The following DGKB variants were observed in gnomAD, a reference collection of about 807,000 sequenced individuals.
DGKB encodes diacylglycerol kinase beta, also known as 90 kDa diacylglycerol kinase.
DGKB carries 67 observed loss-of-function variants against 114.3 expected under a neutral mutation model. That is an observed-to-expected ratio of 0.59 (90% CI 0.48 to 0.72). The LOEUF (loss-of-function observed/expected upper bound fraction) is 0.72, where lower values mean the gene tolerates loss of function less well. Ranked by LOEUF, DGKB falls within the 30% of genes least tolerant of loss-of-function variation. The pLI, the probability that DGKB is intolerant of heterozygous loss-of-function variation, is 0.00. For missense variants in DGKB, 907 were observed against 975.2 expected (o/e 0.93, Z 0.93); for synonymous variants, 398 against 323.1 (o/e 1.23, Z -2.49).
intron 23 of DGKB, among the ~76,000 whole-genome samples, chr7:14,206,346 A>T (rs1256037147): frequency 6.6e-6 from 1 of 152,074 alleles, no homozygotes; most frequent in African/African-American, 2.4e-5. Flanking sequence ...GAAGCATGTG[A>T]GACTCATATC....
intron 23 of DGKB, among the ~76,000 whole-genome samples, chr7:14,284,306 A>G (rs1329904571): frequency 2.1e-4 from 29 of 138,912 alleles, no homozygotes; most frequent in Admixed American, 4.2e-4. Context: ...CAAAACCACA[A>G]TGAGATACCA....
chr7:14,852,487 C>CAAAAAACAAAAAACAAACAA (rs1554304212), intron 1 of DGKB, among the ~76,000 whole-genome samples: 1 of 63,636 alleles, frequency 1.6e-5, no homozygotes, highest in Non-Finnish European at 3.0e-5. Flanking sequence ...TAGTGAAAGT[C>CAAAAAACAAAAAACAAACAA]AAAAAAAAAA....
intron 23 of DGKB, among the ~76,000 whole-genome samples, chr7:14,323,119 A>G (rs924340857): frequency 3.9e-5 from 6 of 152,166 alleles, no homozygotes; most frequent in Middle Eastern, 3.2e-3. Context: ...ATAGCTTCCC[A>G]CTGGAAAAAG....
chr7:14,716,205 C>CA (rs1258399078), intron 6 of DGKB, among the ~76,000 whole-genome samples: 14 of 152,268 alleles, frequency 9.2e-5, no homozygotes, highest in South Asian at 2.1e-4. Context: ...TTGCATAAGC[C>CA]AGTGCTTCTC....
chr7:14,834,877 G>T (rs945669773), intron 2 of DGKB, among the ~76,000 whole-genome samples: 4 of 152,036 alleles, frequency 2.6e-5, no homozygotes, highest in African/African-American at 9.7e-5. Flanking sequence ...CATCTTTAGG[G>T]TACGAAAATT....
At chr7:14,776,470 C>A (rs1229120164) in intron 2 of DGKB, among the ~76,000 whole-genome samples, 3 of 152,190 alleles carry the variant, frequency 2.0e-5, no homozygotes, top group African/African-American at 7.2e-5. Context: ...GCCCAGGGCC[C>A]ACCTGCTGTG....
intron 2 of DGKB, among the ~76,000 whole-genome samples, chr7:14,777,490 A>C (rs1481995805): frequency 3.3e-5 from 5 of 152,130 alleles, no homozygotes; most frequent in Non-Finnish European, 1.5e-5. Context: ...AGGTACCTCC[A>C]TGCTGTTCTC....
At chr7:14,325,413 G>A (rs564798551) in intron 23 of DGKB, among the ~76,000 whole-genome samples, 2 of 152,218 alleles carry the variant, frequency 1.3e-5, no homozygotes, top group South Asian at 2.1e-4. Context: ...GATATTCCAC[G>A]ATTCACCATG....
intron 1 of DGKB, among the ~76,000 whole-genome samples, chr7:14,877,337 C>T (rs1036382975): frequency 2.6e-5 from 4 of 152,120 alleles, no homozygotes; most frequent in African/African-American, 4.8e-5. Flanking sequence ...TGGCGGATCA[C>T]CTGAGGTCAG....
At chr7:14,830,724 T>C (rs932487694) in intron 2 of DGKB, among the ~76,000 whole-genome samples, 7 of 152,108 alleles carry the variant, frequency 4.6e-5, no homozygotes, top group Admixed American at 3.3e-4. Flanking sequence ...GGGATATCAA[T>C]GGCATGCTGG....
chr7:14,797,921 C>A (rs1310800686), intron 2 of DGKB, among the ~76,000 whole-genome samples: 1 of 152,112 alleles, frequency 6.6e-6, no homozygotes, highest in Non-Finnish European at 1.5e-5. Context: ...GAATAAGGTA[C>A]ATGGACACCG....
At chr7:14,377,923 G>T (rs1818768100) in intron 21 of DGKB, among the ~76,000 whole-genome samples, 1 of 152,156 alleles carries the variant, frequency 6.6e-6, no homozygotes, top group Non-Finnish European at 1.5e-5. Context: ...TTCTCAGAGA[G>T]CTCCTTTGAT....
intron 8 of DGKB, among the ~76,000 whole-genome samples, chr7:14,695,494 CTTTTTTTTTTTT>C (rs1173622205): frequency 4.0e-5 from 3 of 75,156 alleles, no homozygotes; most frequent in African/African-American, 1.8e-4. Context: ...CTCTCTCTCT[CTTTTTTTTTTTT>C]TTTTTTTTTT....
intron 21 of DGKB, among the ~76,000 whole-genome samples, chr7:14,452,731 A>C (rs960139074): frequency 6.6e-6 from 1 of 152,136 alleles, no homozygotes; most frequent in African/African-American, 2.4e-5. Context: ...ATTTACAATC[A>C]TGTGTCACTT....
At chr7:14,504,634 A>G (rs1786733097) in intron 20 of DGKB, among the ~76,000 whole-genome samples, 1 of 152,186 alleles carries the variant, frequency 6.6e-6, no homozygotes, top group Non-Finnish European at 1.5e-5. Context: ...AATGTTCTGA[A>G]GCAAGTAGTC....
chr7:14,685,332 G>A lies in DGKB; in HGVS notation c.742C>T (p.Arg248Ter). ...NVKDDGQHVW[R>*]LKHFNKPAYC... ...GCAGGTTTGTTAAAGTGCTTCAGTCGCCACACGTGCTGTCCATCATCCTTC... is the reference window on the plus strand; with the variant it reads ...GCAGGTTTGTTAAAGTGCTTCAGTCACCACACGTGCTGTCCATCATCCTTC... The change falls in exon 10 of 26, where the codon CGA (arginine) becomes TGA (stop). Residue 248 changes from arginine to a stop codon, truncating the protein, a stop_gained. Transcript: ENST00000402815. LOFTEE classifies it high-confidence loss of function. The A allele has an allele frequency of 6.2e-7, 1 of 1,613,662 alleles. No homozygotes were observed. Among genetic ancestry groups the A allele is most frequent in the Non-Finnish European group, 8.5e-7 (1 of 1,179,666 alleles).
chr7:14,909,715 C>T (rs73057002), intron 1 of DGKB, among the ~76,000 whole-genome samples: 20,383 of 151,970 alleles, frequency 0.13, 1,465 homozygotes, highest in Admixed American at 0.2. Context: ...TGGGATGACC[C>T]GAATTCAGAA....
chr7:14,881,249 TC>T (rs1854183012), intron 1 of DGKB, among the ~76,000 whole-genome samples: 1 of 152,192 alleles, frequency 6.6e-6, no homozygotes, highest in Non-Finnish European at 1.5e-5. Context: ...AAGTTGAGCA[TC>T]TTTTCACATA....
chr7:14,604,128 T>A (rs902487094), intron 17 of DGKB, among the ~76,000 whole-genome samples: 1 of 152,054 alleles, frequency 6.6e-6, no homozygotes, highest in Non-Finnish European at 1.5e-5. Flanking sequence ...ACATGTTCCA[T>A]TAGGAAAGAA....
Sources: allele counts gnomAD v4.1 joint callset (sites outside exome capture counted in the v4.1 genomes callset), GRCh38; gene constraint gnomAD v4.1.1; transcripts MANE v1.5; gene names NCBI Gene and HGNC (gene_info 2026-07-23, HGNC 2026-07-21).